The following OSBPL10 variants were observed in gnomAD, a reference collection of about 807,000 sequenced individuals.
The protein encoded by OSBPL10 is oxysterol binding protein like 10.
A neutral mutation model predicts 81.7 loss-of-function variants in OSBPL10; 49 were observed. That is an observed-to-expected ratio of 0.60 (90% CI 0.48 to 0.76). The LOEUF (loss-of-function observed/expected upper bound fraction) is 0.76, where lower values mean the gene tolerates loss of function less well. Ranked by LOEUF, OSBPL10 falls within the 30% of genes least tolerant of loss-of-function variation. OSBPL10 has a pLI of 0.00. For missense variants in OSBPL10, 923 were observed against 987.8 expected, an observed-to-expected ratio of 0.93 and a Z score of 0.88; for synonymous variants, 419 against 383.6, an observed-to-expected ratio of 1.09 and a Z score of -1.08.
intron 2 of OSBPL10, among the ~76,000 whole-genome samples, chr3:32,032,168 C>T (rs1699476186): frequency 6.6e-6 from 1 of 152,052 alleles, no homozygotes; most frequent in Non-Finnish European, 1.5e-5. Flanking sequence ...CCTGTAATCC[C>T]AACACTTTGG....
intron 6 of OSBPL10, chr3:31,713,878 T>A (rs1696346407): frequency 6.6e-6 from 1 of 152,254 alleles, no homozygotes; most frequent in Non-Finnish European, 1.5e-5. Context: ...TTGCAGAAAG[T>A]CAGCTCACAG....
At chr3:31,714,339 G>C (rs527378021) in intron 6 of OSBPL10, among the ~76,000 whole-genome samples, 1 of 152,128 alleles carries the variant, frequency 6.6e-6, no homozygotes, top group East Asian at 1.9e-4. Context: ...GCTGGGTTTC[G>C]AGTTCCCGTA....
chr3:31,735,453 T>A (rs113090562), intron 5 of OSBPL10, among the ~76,000 whole-genome samples: 3 of 152,182 alleles, frequency 2.0e-5, no homozygotes, highest in African/African-American at 7.2e-5. Context: ...ATAAATAAAT[T>A]AATAAAGGTC....
intron 1 of OSBPL10, among the ~76,000 whole-genome samples, chr3:32,047,044 G>A (rs1699628283): frequency 6.6e-6 from 1 of 152,158 alleles, no homozygotes; most frequent in African/African-American, 2.4e-5. Context: ...TTGTCACCCA[G>A]GCTGGAGTGC....
chr3:31,693,929 G>A (rs1388635212), intron 7 of OSBPL10, among the ~76,000 whole-genome samples: 1 of 152,038 alleles, frequency 6.6e-6, no homozygotes, highest in East Asian at 1.9e-4. Flanking sequence ...TACCACACCT[G>A]GCTAATTTTA....
intron 6 of OSBPL10, chr3:31,733,027 G>A: frequency 1.7e-6 from 1 of 573,410 alleles, no homozygotes; most frequent in Non-Finnish European, 3.0e-6. Context: ...ATGAAAATAG[G>A]AGATTCCTCA....
chr3:31,818,892 C>T (rs1457574866), intron 4 of OSBPL10, among the ~76,000 whole-genome samples: 2 of 152,222 alleles, frequency 1.3e-5, no homozygotes, highest in Non-Finnish European at 2.9e-5. Context: ...TCCACCACCA[C>T]CCCTACCGCT....
intron 1 of OSBPL10, among the ~76,000 whole-genome samples, chr3:31,905,345 A>ATTTTTTTTTTTTTTTTTTTGTT (rs1696374767): frequency 1.1e-5 from 1 of 94,860 alleles, no homozygotes; most frequent in Non-Finnish European, 1.9e-5. Context: ...GAACCTGGTG[A>ATTTTTTTTTTTTTTTTTTTGTT]TTTTTTTTTT....
intron 3 of OSBPL10, among the ~76,000 whole-genome samples, chr3:31,848,866 C>A (rs1272455501): frequency 3.9e-5 from 6 of 152,188 alleles, no homozygotes; most frequent in African/African-American, 7.2e-5. Flanking sequence ...CAGTTAGGAA[C>A]CCGCTCTGTT....
Position 31,672,861 on chromosome 3 carries a change from G to A in OSBPL10, c.1727-1878C>T, listed in dbSNP as rs141217807. 3.9e-5 allele frequency among the ~76,000 whole-genome samples: 6 copies of A among 152,236 alleles called. No individual in the cohort carries two copies. In the East Asian group the frequency reaches 1.2e-3, roughly 29 times the overall value. On this transcript the variant is annotated intron_variant, in intron 8 of 11. Transcript: ENST00000396556. ...GACACCCAGGAGAAGCAGATCATGTGGGCTGGACTGGAGGGCAGGTATCAC... is the reference window on the plus strand; with the variant it reads ...GACACCCAGGAGAAGCAGATCATGTAGGCTGGACTGGAGGGCAGGTATCAC...
intron 1 of OSBPL10, among the ~76,000 whole-genome samples, chr3:32,066,793 A>G (rs1699784308): frequency 6.6e-6 from 1 of 152,242 alleles, no homozygotes; most frequent in Admixed American, 6.5e-5. Context: ...CATCTTAAAC[A>G]AAACTCCTGA....
At chr3:31,965,655 ATATATTATATATTT>A (rs1481301628) in intron 1 of OSBPL10, among the ~76,000 whole-genome samples, 2 of 71,862 alleles carry the variant, frequency 2.8e-5, no homozygotes, top group African/African-American at 1.1e-4. Context: ...ATTATATATT[ATATATTATATATTT>A]TATATAATAT....
At chr3:31,866,499 T>C (rs1342625954) in intron 3 of OSBPL10, among the ~76,000 whole-genome samples, 1 of 152,174 alleles carries the variant, frequency 6.6e-6, no homozygotes, top group Non-Finnish European at 1.5e-5. Context: ...AACCAACCAG[T>C]GTCAGCCAGG....
chr3:31,736,050 T>G (rs1697162028), intron 5 of OSBPL10, among the ~76,000 whole-genome samples: 1 of 151,910 alleles, frequency 6.6e-6, no homozygotes, highest in Non-Finnish European at 1.5e-5. Context: ...TCCTAAAAAT[T>G]AAAAAATAAA....
At chr3:31,995,874 C>T (rs183549828) in intron 2 of OSBPL10, among the ~76,000 whole-genome samples, 349 of 152,278 alleles carry the variant, frequency 2.3e-3, no homozygotes, top group Middle Eastern at 6.8e-3. Context: ...TTAGTGTGAT[C>T]AATGCAGTGC....
chr3:31,897,444 G>A (rs1045981310), intron 1 of OSBPL10, among the ~76,000 whole-genome samples: 2 of 152,118 alleles, frequency 1.3e-5, no homozygotes, highest in South Asian at 4.1e-4. Context: ...TCCACAGAAC[G>A]AACAAGGAAT....
intron 5 of OSBPL10, among the ~76,000 whole-genome samples, chr3:31,741,415 C>CAA (rs1697346862): frequency 6.6e-6 from 1 of 152,210 alleles, no homozygotes; most frequent in Non-Finnish European, 1.5e-5. Context: ...CAGGCGCATG[C>CAA]CACCACACCC....
At chr3:31,674,597 A>AGATAGATAGATG (rs1198178727) in intron 8 of OSBPL10, among the ~76,000 whole-genome samples, 6 of 56,634 alleles carry the variant, frequency 1.1e-4, no homozygotes, top group Admixed American at 9.3e-4. Flanking sequence ...ATAGATAGAT[A>AGATAGATAGATG]GATAGATAGA....
intron 1 of OSBPL10, among the ~76,000 whole-genome samples, chr3:31,925,243 T>C (rs1457453902): frequency 6.6e-6 from 1 of 152,158 alleles, no homozygotes; most frequent in Non-Finnish European, 1.5e-5. Flanking sequence ...CGGGAGGTTT[T>C]AGTTGGCTCC....
Sources: allele counts gnomAD v4.1 joint callset (sites outside exome capture counted in the v4.1 genomes callset), GRCh38; gene constraint gnomAD v4.1.1; transcripts MANE v1.5; gene names NCBI Gene and HGNC (gene_info 2026-07-23, HGNC 2026-07-21).